The following MTMR8 variants were observed in gnomAD, a reference collection of about 807,000 sequenced individuals.
MTMR8 encodes phosphatidylinositol-3,5-bisphosphate 3-phosphatase MTMR8.
Under a neutral mutation model 39.3 loss-of-function variants are expected in MTMR8, and 65 were observed. The ratio of observed to expected loss-of-function variants is 1.65; its 90% CI spans 1.35 to 2.03. MTMR8 has a LOEUF of 2.03. Among genes scored for constraint, MTMR8 ranks in the 30% most tolerant of loss-of-function variants. The probability of loss-of-function intolerance (pLI) is 0.00; values close to 1 mark genes in which losing one functional copy is unlikely to be tolerated. For synonymous variants in MTMR8, 245 were observed against 185.2 expected, an observed-to-expected ratio of 1.32 and a Z score of -2.62; for missense variants, 777 against 538.9, an observed-to-expected ratio of 1.44 and a Z score of -4.37.
At chrX:64,387,558 C>A (rs781512972) in intron 1 of MTMR8, among the ~76,000 whole-genome samples, 37 of 110,282 alleles carry the variant, frequency 3.4e-4, no homozygotes, top group African/African-American at 1.2e-3. Context: ...AGACCCTCCC[C>A]TCTTTCTACT....
intron 12 of MTMR8, among the ~76,000 whole-genome samples, chrX:64,294,537 A>G (rs1921501721): frequency 8.9e-6 from 1 of 111,924 alleles, no homozygotes; most frequent in Non-Finnish European, 1.9e-5. Flanking sequence ...AAACACTTCA[A>G]TGAGAGGGGA....
chrX:64,385,815 G>A (rs893488026), intron 1 of MTMR8, among the ~76,000 whole-genome samples: 2 of 111,255 alleles, frequency 1.8e-5, no homozygotes, highest in African/African-American at 6.5e-5. Context: ...CTCTCACTAG[G>A]CCCCGTCTTC....
intron 12 of MTMR8, among the ~76,000 whole-genome samples, chrX:64,304,860 T>TTATATATATATATATATATATA (rs751399962): frequency 3.5e-5 from 1 of 28,558 alleles, no homozygotes; most frequent in Non-Finnish European, 8.7e-5. Context: ...GATCAAACAT[T>TTATATATATATATATATATATA]TATATATATA....
chrX:64,306,291 A>G (rs751213947), intron 12 of MTMR8: 37 of 314,150 alleles, frequency 1.2e-4, no homozygotes, highest in Non-Finnish European at 2.1e-4. Context: ...GGACTGAACT[A>G]CTGTTTGAGC....
In MTMR8 at chrX:64,270,937, T is replaced by C. The variant is rs1286918702; in HGVS notation, c.1608+10A>G. On this transcript the variant is annotated intron_variant, in intron 13 of 13. Coordinates refer to ENST00000374852, the MANE Select transcript of MTMR8 (RefSeq NM_017677.4). Reference sequence around the variant, plus strand: ...GCAAGAAGATCTCTCTTTGGGACTTTTCTCCTCACCTTTTCTAGTTCATGC... The same window carrying C: ...GCAAGAAGATCTCTCTTTGGGACTTCTCTCCTCACCTTTTCTAGTTCATGC... The C allele has an allele frequency of 2.5e-6, 3 of 1,205,562 alleles. No homozygotes were observed. The highest frequency in any genetic ancestry group is 3.5e-5 in the African/African-American group (2 of 56,864).
chrX:64,392,128 T>C (rs1226424825), intron 1 of MTMR8, among the ~76,000 whole-genome samples: 1 of 111,886 alleles, frequency 8.9e-6, no homozygotes, highest in Non-Finnish European at 1.9e-5. Flanking sequence ...AGCTATATCT[T>C]AGATAGATCT....
chrX:64,283,986 C>T lies in MTMR8; in HGVS notation c.1482-12913G>A, dbSNP rs937342837. ...AAAGCTGGATGGAGAAGGACTTTGA[C>T]GAGTTGAGAGAAGAAGGCTTCAGAT... On this transcript the variant is annotated intron_variant, in intron 12 of 13. Transcript: ENST00000374852. 6.2e-5 allele frequency among the ~76,000 whole-genome samples: 7 copies of T among 112,214 alleles called. No individual in the cohort carries two copies. The East Asian group carries it at 8.4e-4, about 14-fold the overall frequency.
intron 12 of MTMR8, chrX:64,305,587 G>C (rs922553397): frequency 3.2e-5 from 16 of 499,832 alleles, no homozygotes; most frequent in African/African-American, 2.6e-4. Context: ...CTCACAGCTT[G>C]AGGTGCAGCA....
At chrX:64,387,345 C>G (rs750318982) in intron 1 of MTMR8, among the ~76,000 whole-genome samples, 1 of 111,432 alleles carries the variant, frequency 9.0e-6, no homozygotes, top group Non-Finnish European at 1.9e-5. Context: ...CCTGCTAAGG[C>G]CCAGGGCACT....
In MTMR8 at chrX:64,350,087, A is replaced by G; in HGVS notation, c.469-17T>C. On this transcript the variant is annotated splice_polypyrimidine_tract_variant and intron_variant, in intron 4 of 13. Coordinates refer to ENST00000374852, the MANE Select transcript of MTMR8 (RefSeq NM_017677.4). ...GCTGCATATCTAAAAGAAAATAAGC[A>G]CAATATATATAAATATATATTTATA... 1.0e-6 allele frequency: 1 copy of G among 981,109 alleles called. No individual in the cohort carries two copies. Among genetic ancestry groups the G allele is most frequent in the Non-Finnish European group, 1.3e-6 (1 of 741,885 alleles). The allele number at this position is 981,109 out of a possible 1,213,427, so 80.9% of individuals were successfully genotyped here.
chrX:64,394,175 A>C (rs1417796624), intron 1 of MTMR8, among the ~76,000 whole-genome samples: 1 of 111,678 alleles, frequency 9.0e-6, no homozygotes, highest in African/African-American at 3.3e-5. Flanking sequence ...AGATCTCATG[A>C]GACCCATTCA....
In MTMR8 at chrX:64,382,363, C is replaced by G. The variant is rs184526431; in HGVS notation, c.24+12977G>C. On this transcript the variant is annotated intron_variant, in intron 1 of 13. Coordinates refer to ENST00000374852, the MANE Select transcript of MTMR8 (RefSeq NM_017677.4). ...CCTAGGTATTTTATTCTCTTTGAAGCAATTGTGAATGGGAGTTCACTCATG... is the reference window on the plus strand; with the variant it reads ...CCTAGGTATTTTATTCTCTTTGAAGGAATTGTGAATGGGAGTTCACTCATG... Among the ~76,000 whole-genome samples, 5 of 111,414 alleles carry G rather than the reference C, an allele frequency of 4.5e-5. No individual in the cohort carries two copies. The East Asian group carries it at 1.1e-3, about 25-fold the overall frequency.
chrX:64,365,452 T>A (rs942905411), intron 1 of MTMR8, among the ~76,000 whole-genome samples: 2 of 111,724 alleles, frequency 1.8e-5, no homozygotes, highest in African/African-American at 6.5e-5. Flanking sequence ...TAGGGGGCAA[T>A]ATTCAACATT....
intron 12 of MTMR8, among the ~76,000 whole-genome samples, chrX:64,296,789 T>C (rs1921612102): frequency 1.0e-5 from 1 of 96,913 alleles, no homozygotes; most frequent in Non-Finnish European, 2.0e-5. Context: ...GTCCACGTGA[T>C]CTCATTGTTC....
intron 4 of MTMR8, among the ~76,000 whole-genome samples, chrX:64,350,309 A>G (rs1259922013): frequency 2.7e-5 from 3 of 109,730 alleles, no homozygotes; most frequent in Non-Finnish European, 5.7e-5. Context: ...GAAAGAGTAC[A>G]TCATATTTCC....
At chrX:64,367,451 C>T (rs1924002296) in intron 1 of MTMR8, among the ~76,000 whole-genome samples, 1 of 111,880 alleles carries the variant, frequency 8.9e-6, no homozygotes, top group African/African-American at 3.2e-5. Context: ...AAGGCTGGTT[C>T]AACATATGCA....
chrX:64,333,859 T>C (rs1923004820), intron 10 of MTMR8, among the ~76,000 whole-genome samples: 1 of 111,883 alleles, frequency 8.9e-6, no homozygotes, highest in Non-Finnish European at 1.9e-5. Context: ...ATGACACTGC[T>C]GACTACTCCC....
Position 64,303,017 on chromosome X carries a change from T to A in MTMR8, c.1481+25755A>T, listed in dbSNP as rs762328329. On this transcript the variant is annotated intron_variant, in intron 12 of 13. Transcript: ENST00000374852. Reference sequence around the variant, plus strand: ...AAGGATTTTCCCAGGTGCAAATCTGTCAAAGGATCACTTAAAGTTTGCTGT... The same window carrying A: ...AAGGATTTTCCCAGGTGCAAATCTGACAAAGGATCACTTAAAGTTTGCTGT... 3.5e-4 allele frequency among the ~76,000 whole-genome samples: 39 copies of A among 112,633 alleles called. 1 individual carries two copies. Among genetic ancestry groups the A allele is most frequent in the Non-Finnish European group, 6.6e-4 (35 of 53,313 alleles).
At chrX:64,348,998 T>C (rs1353239829) in intron 5 of MTMR8, among the ~76,000 whole-genome samples, 1 of 111,739 alleles carries the variant, frequency 8.9e-6, no homozygotes, top group Non-Finnish European at 1.9e-5. Flanking sequence ...GTGGCTCTAA[T>C]TTCCAACCCA....
Sources: allele counts gnomAD v4.1 joint callset (sites outside exome capture counted in the v4.1 genomes callset), GRCh38; gene constraint gnomAD v4.1.1; transcripts MANE v1.5; gene names NCBI Gene and HGNC (gene_info 2026-07-23, HGNC 2026-07-21).